The following NPC1 variants were observed in gnomAD, a reference collection of about 807,000 sequenced individuals.
NPC1 encodes NPC intracellular cholesterol transporter 1.
Under a neutral mutation model 140.4 loss-of-function variants are expected in NPC1, and 85 were observed. The observed-to-expected ratio is 0.61, with a 90% CI of 0.51 to 0.72. The LOEUF is 0.72. Among genes scored for constraint, NPC1 ranks in the 30% least tolerant of loss-of-function variants. The probability of loss-of-function intolerance (pLI) is 0.00; values close to 1 mark genes in which losing one functional copy is unlikely to be tolerated. For synonymous variants in NPC1, 656 were observed against 624.8 expected (o/e 1.05, Z -0.74); for missense variants, 1,504 against 1,623.8 (o/e 0.93, Z 1.27).
chr18:23,535,531 A>G lies in NPC1; in HGVS notation c.3415T>C (p.Phe1139Leu). 6.2e-7 allele frequency: 1 copy of G among 1,614,090 alleles called. No homozygotes were observed. The highest frequency in any genetic ancestry group is 8.5e-7 in the Non-Finnish European group (1 of 1,179,990). The change falls in exon 22 of 25, where the codon TTT becomes CTT. Residue 1139 changes from phenylalanine (F) to leucine (L), a missense_variant. Physicochemically the swap from Phe to Leu is conservative, Grantham distance 22 (BLOSUM62 0). Coordinates refer to ENST00000269228, the MANE Select transcript of NPC1 (RefSeq NM_000271.5). ...ATIAMVLVNM[F>L]GVMWLWGISL... ...ATGCCCCAGAGCCACATAACTCCAAACATGTTGACCAAGACCATGGCGATG... is the reference window on the plus strand; with the variant it reads ...ATGCCCCAGAGCCACATAACTCCAAGCATGTTGACCAAGACCATGGCGATG...
At chr18:23,579,255 C>G (rs2059328948) in intron 1 of NPC1, among the ~76,000 whole-genome samples, 2 of 152,192 alleles carry the variant, frequency 1.3e-5, no homozygotes, top group South Asian at 2.1e-4. Context: ...TGTCTCAACT[C>G]CCTTGTAAGA....
intron 12 of NPC1, 110 bp downstream of exon 12, chr18:23,544,850 T>C: frequency 1.2e-6 from 1 of 819,756 alleles, no homozygotes; most frequent in Non-Finnish European, 2.0e-6. Flanking sequence ...CATGGGGGAA[T>C]TTATGGCAGT....
chr18:23,530,695 TG>T, downstream of NPC1: 1 of 1,327,632 alleles, frequency 7.5e-7, no homozygotes, highest in Non-Finnish European at 1.0e-6. Context: ...GCGAGGACCC[TG>T]GGTTAGCATT....
chr18:23,536,988 C>A (rs2058641017), intron 20 of NPC1, 112 bp from the exon 21 acceptor site: 1 of 809,234 alleles, frequency 1.2e-6, no homozygotes, highest in African/African-American at 1.7e-5. Context: ...GAGGTCAGAC[C>A]CAGCTGTACA....
At chr18:23,535,317 C>T in intron 22 of NPC1, 152 bp downstream of exon 22, 1 of 709,778 alleles carries the variant, frequency 1.4e-6, no homozygotes, top group Non-Finnish European at 2.5e-6. Flanking sequence ...CAGCACTCCT[C>T]CAGCACTCAT....
chr18:23,574,208 T>G (rs1201659213), intron 1 of NPC1, among the ~76,000 whole-genome samples: 2 of 152,034 alleles, frequency 1.3e-5, no homozygotes, highest in African/African-American at 4.8e-5. Context: ...CATGTGAGAG[T>G]CACAAGGTTG....
intron 1 of NPC1, among the ~76,000 whole-genome samples, chr18:23,583,047 C>A (rs1380028131): frequency 7.0e-6 from 1 of 143,234 alleles, no homozygotes; most frequent in Non-Finnish European, 1.5e-5. Context: ...GTCAACACTT[C>A]AGTGAGCCAC....
chr18:23,571,924 T>G, intron 3 of NPC1, 150 bp downstream of exon 3: 1 of 279,142 alleles, frequency 3.6e-6, no homozygotes. Flanking sequence ...CTACTTTACA[T>G]GTATACATAT....
chr18:23,530,995 CA>C (rs370752245), downstream of NPC1, among the ~76,000 whole-genome samples: 67 of 151,992 alleles, frequency 4.4e-4, 1 homozygote, highest in East Asian at 3.5e-3. Flanking sequence ...ATTGGTTGAT[CA>C]TTCTCATTTT....
At chr18:23,519,729 T>C (rs2058096014), downstream of NPC1, among the ~76,000 whole-genome samples, 1 of 152,210 alleles carries the variant, frequency 6.6e-6, no homozygotes, top group Non-Finnish European at 1.5e-5. Flanking sequence ...ATCCGCTCCA[T>C]TCCACGAGTA....
downstream of NPC1, chr18:23,528,961 C>T: frequency 1.7e-6 from 1 of 578,602 alleles, no homozygotes; most frequent in Admixed American, 3.7e-5. Flanking sequence ...CTCACCGCAA[C>T]CTCTGCCTCC....
intron 14 of NPC1, 60 bp downstream of exon 14, chr18:23,543,395 G>T: frequency 2.2e-6 from 2 of 924,182 alleles, no homozygotes; most frequent in Non-Finnish European, 3.6e-6. Context: ...CAGGTAGCCA[G>T]CTCCTTCTTT....
intron 4 of NPC1, among the ~76,000 whole-genome samples, chr18:23,568,255 A>AC (rs1190164385): frequency 1.3e-5 from 2 of 151,524 alleles, no homozygotes; most frequent in Middle Eastern, 3.2e-3. Flanking sequence ...CTTGTATGTC[A>AC]CATCTTTTGG....
At position 23,536,804 on chromosome 18, in the gene NPC1, G is replaced by A. The variant is rs765858575; in HGVS notation, c.3114C>T (p.Phe1038=). The change falls in exon 21 of 25, where the codon TTC becomes TTT. Residue 1038 remains phenylalanine (F), a synonymous_variant. Coordinates refer to ENST00000269228, the MANE Select transcript of NPC1 (RefSeq NM_000271.5). ...GHGTRVGATY[F]MTYHTVLQTS... is the part of the protein sequence containing the mutation. ...TCTGCAGCACGGTGTGGTAGGTCAT[G>A]AAGTACGTGGCTCCGACCCTGGTGC... 1.2e-6 allele frequency: 2 copies of A among 1,614,202 alleles called. No individual in the cohort carries two copies. The highest frequency in any genetic ancestry group is 1.3e-5 in the African/African-American group (1 of 75,052).
In NPC1 at chr18:23,556,465, C is replaced by A. The variant is rs889802906; in HGVS notation, c.1104G>T (p.Leu368=). 9 of 1,614,166 alleles carry A rather than the reference C, an allele frequency of 5.6e-6. No homozygotes were observed. Among genetic ancestry groups the A allele is most frequent in the African/African-American group, 1.3e-5 (1 of 75,032 alleles). The change falls in exon 8 of 25, where the codon CTG becomes CTT. Residue 368 remains leucine, a synonymous_variant. Transcript: ENST00000269228. The part of the protein sequence containing the change: ...LVFITACSSG[L]VFVRVTTNPV... Reference sequence around the variant, plus strand: ...GATTGGTTGTGACCCGGACAAACACCAGGCCTGACGAACACGCAGTAATGA... The same window carrying A: ...GATTGGTTGTGACCCGGACAAACACAAGGCCTGACGAACACGCAGTAATGA...
At chr18:23,512,815 A>G (rs2057898584) in intron 3 of NPC1, among the ~76,000 whole-genome samples, 1 of 152,190 alleles carries the variant, frequency 6.6e-6, no homozygotes, top group Non-Finnish European at 1.5e-5. Flanking sequence ...CAGTAGTGTT[A>G]AGTATATTCA....
chr18:23,524,459 ACAT>A, downstream of NPC1: 1 of 1,614,092 alleles, frequency 6.2e-7, no homozygotes, highest in Non-Finnish European at 8.5e-7. Context: ...TTTCAACCTG[ACAT>A]CATTATCAGC....
downstream of NPC1, among the ~76,000 whole-genome samples, chr18:23,521,517 T>G (rs1598885839): frequency 6.6e-6 from 1 of 152,322 alleles, no homozygotes; most frequent in East Asian, 1.9e-4. Context: ...CTGTGGCTCT[T>G]AGGCTTACCC....
chr18:23,507,798 C>CT (rs2057752189), intron 3 of NPC1, among the ~76,000 whole-genome samples: 1 of 152,184 alleles, frequency 6.6e-6, no homozygotes, highest in Non-Finnish European at 1.5e-5. Flanking sequence ...AATCGTAAGC[C>CT]TGCTGCTGTT....
Sources: allele counts gnomAD v4.1 joint callset (sites outside exome capture counted in the v4.1 genomes callset), GRCh38; gene constraint gnomAD v4.1.1; transcripts MANE v1.5; gene names NCBI Gene and HGNC (gene_info 2026-07-23, HGNC 2026-07-21).